TBC1D14: variants seen among roughly 807,000 people sequenced by gnomAD.
TBC1D14 encodes TBC1 domain family member 14.
TBC1D14 carries 26 observed loss-of-function variants against 79.0 expected under a neutral mutation model. The ratio of observed to expected loss-of-function variants is 0.33; its 90% confidence interval spans 0.24 to 0.46. The LOEUF (loss-of-function observed/expected upper bound fraction) is 0.46. Among genes scored for constraint, TBC1D14 ranks in the 20% least tolerant of loss-of-function variants. The probability of loss-of-function intolerance (pLI) is 1.00; values close to 1 mark genes in which losing one functional copy is unlikely to be tolerated. For missense variants in TBC1D14, 769 were observed against 887.6 expected, an observed-to-expected ratio of 0.87 and a Z score of 1.70; for synonymous variants, 394 against 349.9, an observed-to-expected ratio of 1.13 and a Z score of -1.40.
At chr4:6,910,052 C>G (rs947335355) in intron 1 of TBC1D14, 101 bp downstream of exon 1, 20 of 147,920 alleles carry the variant, frequency 1.4e-4, no homozygotes, top group African/African-American at 4.6e-4. Flanking sequence ...CGGGGAGCGG[C>G]CGGGGCGAGG....
At chr4:6,958,944 T>C (rs1161419876) in intron 2 of TBC1D14, among the ~76,000 whole-genome samples, 2 of 151,396 alleles carry the variant, frequency 1.3e-5, no homozygotes, top group Admixed American at 6.6e-5. Context: ...AGTGCAGTGG[T>C]GGGATCTCGG....
At chr4:7,027,846 CCA>C (rs369482936) in intron 13 of TBC1D14, among the ~76,000 whole-genome samples, 9 of 145,480 alleles carry the variant, frequency 6.2e-5, no homozygotes, top group African/African-American at 1.3e-4. Context: ...ACAGGCATAC[CCA>C]CACACACACA....
chr4:6,988,602 C>T (rs1200372784), intron 3 of TBC1D14, among the ~76,000 whole-genome samples: 2 of 152,206 alleles, frequency 1.3e-5, no homozygotes, highest in East Asian at 1.9e-4. Flanking sequence ...TTATTCCAGG[C>T]GCGCTCCCAA....
At chr4:6,952,322 G>A (rs1398533935) in intron 2 of TBC1D14, among the ~76,000 whole-genome samples, 1 of 152,200 alleles carries the variant, frequency 6.6e-6, no homozygotes, top group Non-Finnish European at 1.5e-5. Context: ...AGGCGATGCC[G>A]CTGCTGGTCC....
intron 3 of TBC1D14, among the ~76,000 whole-genome samples, chr4:6,968,860 G>C (rs1715960170): frequency 6.6e-6 from 1 of 152,248 alleles, no homozygotes; most frequent in Non-Finnish European, 1.5e-5. Context: ...CCAGGCAAGA[G>C]AAAGTGGGGT....
intron 3 of TBC1D14, among the ~76,000 whole-genome samples, chr4:6,993,021 A>T (rs1718663889): frequency 6.6e-6 from 1 of 152,162 alleles, no homozygotes; most frequent in African/African-American, 2.4e-5. Context: ...ATTTCTTTAT[A>T]CTTTTTAGAG....
Position 6,923,440 on chromosome 4 carries a change from T to C in TBC1D14, c.51T>C (p.Gly17=), listed in dbSNP as rs1415393472. 6.2e-7 allele frequency: 1 copy of C among 1,614,108 alleles called. No homozygotes were observed. Among genetic ancestry groups the C allele is most frequent in the East Asian group, 2.2e-5 (1 of 44,884 alleles). The change falls in exon 2 of 14, where the codon GGT becomes GGC. Residue 17 remains glycine, a synonymous_variant. Coordinates refer to ENST00000409757, the MANE Select transcript of TBC1D14 (RefSeq NM_020773.3). The part of the protein sequence containing the change: ...STSTNGVAFM[G]ILDGRPGNPL... ...CTACAAATGGCGTAGCCTTCATGGG[T>C]ATTCTGGATGGTCGACCAGGAAACC...
intron 9 of TBC1D14, among the ~76,000 whole-genome samples, chr4:7,009,631 G>T (rs1273642759): frequency 6.6e-6 from 1 of 152,208 alleles, no homozygotes; most frequent in Non-Finnish European, 1.5e-5. Context: ...CCAGGGTGGT[G>T]CTCCTGCCTG....
chr4:6,933,457 A>C (rs2108953786), intron 2 of TBC1D14, among the ~76,000 whole-genome samples: 1 of 151,634 alleles, frequency 6.6e-6, no homozygotes, highest in Admixed American at 6.6e-5. Context: ...GACGTGCGCC[A>C]TCACACACAG....
Position 6,947,020 on chromosome 4 carries a change from T to G in TBC1D14, c.723-20284T>G, listed in dbSNP as rs151319815. On this transcript the variant is annotated intron_variant, in intron 2 of 13. Transcript: ENST00000409757. ...TATTTTTCTTAGTACTGTTTTGTAC[T>G]AAGTTACATGGGCATTTTTGCTCTG... 2.0e-3 allele frequency among the ~76,000 whole-genome samples: 306 copies of G among 152,324 alleles called. 1 individual carries two copies. Among genetic ancestry groups the G allele is most frequent in the African/African-American group, 7.2e-3 (301 of 41,558 alleles).
At position 6,965,051 on chromosome 4, in the gene TBC1D14, C is replaced by T. The variant is rs544936818; in HGVS notation, c.723-2253C>T. ...CATATTTCCTAAGAACAAGGGCATT[C>T]CCTTATGTAACCACAGAACAGTTGT... is the stretch of plus-strand genomic sequence containing the variant. On this transcript the variant is annotated intron_variant, in intron 2 of 13. Transcript: ENST00000409757. Among the ~76,000 whole-genome samples the T allele has an allele frequency of 2.5e-3, 377 of 152,310 alleles. 1 individual carries two copies. The highest frequency in any genetic ancestry group is 8.5e-3 in the African/African-American group (354 of 41,560).
At chr4:7,004,765 G>A (rs1720008657) in intron 7 of TBC1D14, 79 bp from the exon 8 acceptor site, 1 of 1,298,502 alleles carries the variant, frequency 7.7e-7, no homozygotes, top group Non-Finnish European at 1.1e-6. Flanking sequence ...GTATTTGGAG[G>A]AAATAGTACT....
intron 12 of TBC1D14, among the ~76,000 whole-genome samples, chr4:7,015,813 C>G (rs1721223105): frequency 6.6e-6 from 1 of 152,180 alleles, no homozygotes; most frequent in Non-Finnish European, 1.5e-5. Flanking sequence ...ATCTGGAGGC[C>G]ACAGTGATTC....
intron 11 of TBC1D14, among the ~76,000 whole-genome samples, 157 bp from the exon 12 acceptor site, chr4:7,014,291 A>G (rs1374844058): frequency 6.6e-6 from 1 of 152,210 alleles, no homozygotes; most frequent in Non-Finnish European, 1.5e-5. Flanking sequence ...CTTGTTTATA[A>G]TTTGAATAGT....
intron 13 of TBC1D14, 68 bp downstream of exon 13, chr4:7,025,330 C>A: frequency 6.3e-7 from 1 of 1,592,184 alleles, no homozygotes; most frequent in South Asian, 1.2e-5. Flanking sequence ...AGGAAGGCCC[C>A]TACGTAAAGT....
intron 1 of TBC1D14, among the ~76,000 whole-genome samples, chr4:6,915,357 GT>G (rs1723314067): frequency 4.6e-5 from 7 of 152,288 alleles, no homozygotes; most frequent in Non-Finnish European, 8.8e-5. Flanking sequence ...GGGGTAGGGG[GT>G]TGGGGGTCAC....
In TBC1D14 at chr4:6,935,436, G is replaced by A. The variant is rs139330687; in HGVS notation, c.722+11325G>A. On this transcript the variant is annotated intron_variant, in intron 2 of 13. Coordinates refer to ENST00000409757, the MANE Select transcript of TBC1D14 (RefSeq NM_020773.3). Reference sequence around the variant, plus strand: ...AGTGGCTTCAGCTGGGGAGAGTCCAGCGTAGCAGGCGCCTGGGAGAGGATG... The same window carrying A: ...AGTGGCTTCAGCTGGGGAGAGTCCAACGTAGCAGGCGCCTGGGAGAGGATG... Among the ~76,000 whole-genome samples, 1,224 of 152,268 alleles carry A rather than the reference G, an allele frequency of 8.0e-3. 8 individuals are homozygous for A. The highest frequency in any genetic ancestry group is 0.013 in the Non-Finnish European group (882 of 68,000).
In TBC1D14 at chr4:7,006,222, T is replaced by C. The variant is rs148646418; in HGVS notation, c.1352-410T>C. Among the ~76,000 whole-genome samples the C allele has an allele frequency of 6.1e-3, 936 of 152,220 alleles. 4 individuals carry two copies. The highest frequency in any genetic ancestry group is 9.7e-3 in the Non-Finnish European group (661 of 68,018). On this transcript the variant is annotated intron_variant, in intron 8 of 13. Coordinates refer to ENST00000409757, the MANE Select transcript of TBC1D14 (RefSeq NM_020773.3). ...TTACATGAGTATAATACCGCAATAG[T>C]TTCTACATCTAGTGAGTTTACACTG...
At chr4:6,932,086 C>T (rs1003794744) in intron 2 of TBC1D14, among the ~76,000 whole-genome samples, 1 of 151,982 alleles carries the variant, frequency 6.6e-6, no homozygotes, top group African/African-American at 2.4e-5. Flanking sequence ...GGTGGCCAGG[C>T]GGGTGGCTCA....
Sources: allele counts gnomAD v4.1 joint callset (sites outside exome capture counted in the v4.1 genomes callset), GRCh38; gene constraint gnomAD v4.1.1; transcripts MANE v1.5; gene names NCBI Gene and HGNC (gene_info 2026-07-23, HGNC 2026-07-21).